The following TP53I13 variants were observed in gnomAD, a reference collection of about 807,000 sequenced individuals.
TP53I13 encodes the protein tumor protein p53-inducible protein 13.
In TP53I13, 27 loss-of-function variants were observed where a neutral mutation model predicts 39.1. The ratio of observed to expected loss-of-function variants is 0.69; its 90% CI spans 0.51 to 0.95. The LOEUF (loss-of-function observed/expected upper bound fraction) is 0.95, where lower values mean the gene tolerates loss of function less well. TP53I13 is among the 40% of genes least tolerant of loss of function. TP53I13 has a pLI of 0.00. For synonymous variants in TP53I13, 230 were observed against 224.6 expected, an observed-to-expected ratio of 1.02 and a Z score of -0.22; for missense variants, 544 against 520.4, an observed-to-expected ratio of 1.05 and a Z score of -0.44.
chr17:29,578,415 C>T, the TP53I13 span: 1 of 1,573,826 alleles, frequency 6.4e-7, no homozygotes. Flanking sequence ...TGCATCGGCT[C>T]CCAGTGCCAA....
chr17:29,575,876 G>A (rs199820269), downstream of TP53I13: 3 of 1,610,546 alleles, frequency 1.9e-6, no homozygotes, highest in Non-Finnish European at 2.5e-6. This position sits in a 1 kb window ranked among gnomAD's most constrained non-coding sequence, Gnocchi z 5.5. Context: ...GGGCACAGCT[G>A]AGGCAGACAC....
At chr17:29,577,599 CG>C, downstream of TP53I13, 1 of 1,230,648 alleles carries the variant, frequency 8.1e-7, no homozygotes, top group Middle Eastern at 1.9e-4. Context: ...GGAGGGACCG[CG>C]GGGATGAAGT....
At chr17:29,576,826 G>C, downstream of TP53I13, 4 of 1,577,998 alleles carry the variant, frequency 2.5e-6, no homozygotes, top group Non-Finnish European at 3.4e-6. Flanking sequence ...GCCTGGGTCA[G>C]GGCACAGGGG....
the TP53I13 span, among the ~76,000 whole-genome samples, chr17:29,580,329 T>C: frequency 6.6e-6 from 1 of 152,160 alleles, no homozygotes; most frequent in South Asian, 2.1e-4. Context: ...AGTAGGAGCC[T>C]TGGGGTCTGG....
At chr17:29,575,473 G>A (rs374087485), downstream of TP53I13, 1 of 1,599,440 alleles carries the variant, frequency 6.3e-7, no homozygotes, top group Non-Finnish European at 8.5e-7. This position sits in a 1 kb window ranked among gnomAD's most constrained non-coding sequence, Gnocchi z 5.5. Context: ...CTTCCAGCCT[G>A]AGGCCCAGGT....
the TP53I13 span, chr17:29,582,127 C>G: frequency 6.3e-7 from 1 of 1,582,586 alleles, no homozygotes; most frequent in South Asian, 1.1e-5. Flanking sequence ...TGCCTGTCCG[C>G]ACGCTCGAGT....
At chr17:29,576,545 C>T (rs2033209716), downstream of TP53I13, 9 of 1,613,966 alleles carry the variant, frequency 5.6e-6, no homozygotes, top group African/African-American at 1.3e-5. Context: ...CTCCGGAGCT[C>T]GTCGCTCAGG....
At chr17:29,575,557 C>T (rs2033162590), downstream of TP53I13, 2 of 1,562,122 alleles carry the variant, frequency 1.3e-6, no homozygotes. The surrounding 1 kb of genome is among the most constrained non-coding windows in gnomAD (Gnocchi z 5.5). Context: ...TTGGTCCTCA[C>T]ACACTGGGGG....
chr17:29,572,863 G>T lies in TP53I13; in HGVS notation c.1121G>T (p.Arg374Leu), dbSNP rs775768941. 1.3e-6 allele frequency: 2 copies of T among 1,523,154 alleles called. No individual in the cohort carries two copies. The highest frequency in any genetic ancestry group is 1.8e-6 in the Non-Finnish European group (2 of 1,142,422). The allele number at this position is 1,523,154 out of a possible 1,614,324, so 94.4% of individuals were successfully genotyped here. A position where few individuals can be genotyped will look rare whatever the true frequency, so the allele number is the denominator to read the frequency against. ...LQPSRRVKRSRRRPLLPPTPD... is the reference protein window; with the variant it reads ...LQPSRRVKRSLRRPLLPPTPD... Reference sequence around the variant, plus strand: ...CCCTCGCGCCGGGTCAAGCGCTCGCGCCGGAGACCCCTCCTCCCGCCCACG... The same window carrying T: ...CCCTCGCGCCGGGTCAAGCGCTCGCTCCGGAGACCCCTCCTCCCGCCCACG... The change falls in exon 7 of 7, where the codon CGC (arginine) becomes CTC (leucine). Residue 374 changes from arginine to leucine, a missense_variant. Physicochemically the swap from Arg to Leu is moderately radical, Grantham distance 102. Coordinates refer to ENST00000301057, the MANE Select transcript of TP53I13 (RefSeq NM_138349.4).
the TP53I13 span, chr17:29,578,210 G>T: frequency 9.2e-7 from 1 of 1,082,886 alleles, no homozygotes; most frequent in Non-Finnish European, 1.4e-6. Context: ...CCAACCCCAG[G>T]CACCCCTTCT....
At chr17:29,577,445 G>A (rs2033250661), downstream of TP53I13, among the ~76,000 whole-genome samples, 1 of 152,188 alleles carries the variant, frequency 6.6e-6, no homozygotes. Flanking sequence ...CTGAGCAGAG[G>A]CCGGAACACC....
downstream of TP53I13, among the ~76,000 whole-genome samples, chr17:29,577,978 T>G (rs945139613): frequency 2.0e-5 from 3 of 152,166 alleles, no homozygotes; most frequent in African/African-American, 7.2e-5. Context: ...ACCCAGAGTT[T>G]GGGCTGGAAT....
downstream of TP53I13, chr17:29,573,487 C>CTTTAT (rs2033062367): frequency 6.6e-6 from 1 of 152,654 alleles, no homozygotes. Flanking sequence ...ATGGTCACTT[C>CTTTAT]TTTATTTTTG....
rs966257893 is a variant in TP53I13, at chr17:29,568,818, G to C, written c.60G>C (p.Leu20=). The C allele has an allele frequency of 6.3e-7, 1 of 1,599,372 alleles. No homozygotes were observed. Among genetic ancestry groups the C allele is most frequent in the African/African-American group, 1.3e-5 (1 of 74,838 alleles). ...LLLLAALARL[L]GPSEVMAGPA... ...TCCTGGCAGCCCTCGCGAGGCTCCT[G>C]GGTCCCAGCGAGGTAAGGTGACCCG... is the stretch of plus-strand genomic sequence containing the variant. The change falls in exon 1 of 7, where the codon CTG becomes CTC. Residue 20 remains leucine, a synonymous_variant. Coordinates refer to ENST00000301057, the MANE Select transcript of TP53I13 (RefSeq NM_138349.4). The surrounding 1 kb of genome is among the most constrained non-coding windows in gnomAD (Gnocchi z 4.5).
At chr17:29,566,509 G>A, upstream of TP53I13, 1 of 1,611,376 alleles carries the variant, frequency 6.2e-7, no homozygotes, top group Non-Finnish European at 8.5e-7. Flanking sequence ...AAGGCCCCCG[G>A]CGCTGGTGAT....
chr17:29,576,525 T>G, downstream of TP53I13: 1 of 1,613,792 alleles, frequency 6.2e-7, no homozygotes, highest in Non-Finnish European at 8.5e-7. Context: ...CCCTCACCTC[T>G]CGCTGCAGCC....
downstream of TP53I13, chr17:29,576,617 G>A (rs751546077): frequency 6.2e-7 from 1 of 1,613,900 alleles, no homozygotes; most frequent in Non-Finnish European, 8.5e-7. Context: ...GCCTTCTTCA[G>A]CTCCAGGTAC....
At chr17:29,576,171 C>A (rs772927905), downstream of TP53I13, 3 of 1,610,546 alleles carry the variant, frequency 1.9e-6, no homozygotes, top group Admixed American at 5.0e-5. Context: ...GTGGACCCTG[C>A]GGCAGCCCCA....
At position 29,568,765 on chromosome 17, in the gene TP53I13, C is replaced by G. The variant is rs1212631598; in HGVS notation, c.7C>G (p.Pro3Ala). The change falls in exon 1 of 7, where the codon CCT (proline) becomes GCT (alanine). Residue 3 changes from proline (P) to alanine (A), a missense_variant. Physicochemically the swap from Pro to Ala is conservative, Grantham distance 27. Transcript: ENST00000301057. This position sits in a 1 kb window ranked among gnomAD's most constrained non-coding sequence, Gnocchi z 4.5. ...GGGCCCGGGGCCGCTTGGAATGGCG[C>G]CTCCTCCGCCTTCGCCCCAACTGCT... MA[P>A]PPPSPQLLLL... The G allele has an allele frequency of 6.3e-7, 1 of 1,585,996 alleles. No individual in the cohort carries two copies. Among genetic ancestry groups the G allele is most frequent in the East Asian group, 2.3e-5 (1 of 42,950 alleles).
Sources: allele counts gnomAD v4.1 joint callset (sites outside exome capture counted in the v4.1 genomes callset), GRCh38; gene constraint gnomAD v4.1.1; non-coding constraint Gnocchi (gnomAD v3.1); transcripts MANE v1.5; gene names NCBI Gene and HGNC (gene_info 2026-07-23, HGNC 2026-07-21).